The following CUBN variants were observed in gnomAD, a reference collection of about 807,000 sequenced individuals.
The protein encoded by CUBN is cubilin.
A neutral mutation model predicts 405.3 loss-of-function variants in CUBN; 282 were observed. That is an observed-to-expected ratio of 0.70 (90% confidence interval 0.63 to 0.77). The LOEUF is 0.77. CUBN is among the 30% of genes least tolerant of loss of function. The pLI, the probability that CUBN is intolerant of heterozygous loss-of-function variation, is 0.00. For missense variants in CUBN, 4,514 were observed against 4,475.2 expected, an observed-to-expected ratio of 1.01 and a Z score of -0.25; for synonymous variants, 1,684 against 1,617.0, an observed-to-expected ratio of 1.04 and a Z score of -0.99.
At chr10:16,867,231 TC>T (rs1375917122) in intron 59 of CUBN, among the ~76,000 whole-genome samples, 1 of 152,174 alleles carries the variant, frequency 6.6e-6, no homozygotes, top group Non-Finnish European at 1.5e-5. Context: ...AAAGTTGATT[TC>T]CCTCTCTTCA....
chr10:17,076,097 GA>G, intron 17 of CUBN, among the ~76,000 whole-genome samples: 1 of 151,662 alleles, frequency 6.6e-6, no homozygotes, highest in Non-Finnish European at 1.5e-5. Context: ...TGACAAGAAG[GA>G]AAAAAAACAG....
rs1047070080 is a variant in CUBN, at chr10:16,891,917, C to A, written c.8599-1390G>T. On this transcript the variant is annotated intron_variant, in intron 54 of 66. Transcript: ENST00000377833. Reference sequence around the variant, plus strand: ...GCAATACCCAATATGCCCTTTCTATCAACAGACAACTATCTCAAACAAGGA... The same window carrying A: ...GCAATACCCAATATGCCCTTTCTATAAACAGACAACTATCTCAAACAAGGA... 5.9e-5 allele frequency among the ~76,000 whole-genome samples: 9 copies of A among 152,226 alleles called. No homozygotes were observed. The East Asian group carries it at 1.7e-3, about 29-fold the overall frequency.
At position 17,068,599 on chromosome 10, in the gene CUBN, T is replaced by G. The variant is rs78549445; in HGVS notation, c.2791+6A>C. ...GGAGGAAAAAAAAAAGGGAACAGTC[T>G]CTTACCCAAATCCTCAGCACTGAAC... On this transcript the variant is annotated splice_donor_region_variant and intron_variant, in intron 20 of 66. Transcript: ENST00000377833. 0.024 allele frequency: 38,202 copies of G among 1,607,084 alleles called. 538 individuals carry two copies. The highest frequency in any genetic ancestry group is 0.053 in the East Asian group (2,350 of 44,732).
At chr10:16,916,090 C>T in intron 45 of CUBN, 60 bp from the exon 46 acceptor site, 1 of 1,545,526 alleles carries the variant, frequency 6.5e-7, no homozygotes, top group Non-Finnish European at 8.9e-7. Context: ...AAGATTGATT[C>T]TATTACAAAT....
intron 51 of CUBN, among the ~76,000 whole-genome samples, chr10:16,903,705 A>T (rs1841470519): frequency 6.8e-6 from 1 of 148,084 alleles, no homozygotes; most frequent in African/African-American, 2.4e-5. Flanking sequence ...TAATTTTAAA[A>T]TTTAATAATT....
intron 40 of CUBN, among the ~76,000 whole-genome samples, chr10:16,932,476 T>C (rs1414797792): frequency 6.6e-6 from 1 of 150,798 alleles, no homozygotes; most frequent in Non-Finnish European, 1.5e-5. Flanking sequence ...TTATGTCACA[T>C]AGCAACACCA....
intron 59 of CUBN, among the ~76,000 whole-genome samples, chr10:16,860,209 A>C (rs1465198093): frequency 3.3e-5 from 5 of 152,194 alleles, no homozygotes; most frequent in African/African-American, 1.2e-4. Context: ...ATTTTATCAG[A>C]TATAAACACA....
intron 14 of CUBN, among the ~76,000 whole-genome samples, chr10:17,091,079 A>T (rs1285316957): frequency 6.6e-6 from 1 of 152,158 alleles, no homozygotes; most frequent in African/African-American, 2.4e-5. Flanking sequence ...TTCAGTCCTG[A>T]GGTAAATAAT....
At chr10:16,951,413 A>G (rs1274506260) in intron 33 of CUBN, among the ~76,000 whole-genome samples, 1 of 152,240 alleles carries the variant, frequency 6.6e-6, no homozygotes, top group Non-Finnish European at 1.5e-5. Context: ...TGATTAGCTT[A>G]AGTGACTTCC....
chr10:16,856,943 A>G (rs1421698315), intron 59 of CUBN, among the ~76,000 whole-genome samples: 9 of 151,904 alleles, frequency 5.9e-5, no homozygotes, highest in Non-Finnish European at 1.3e-4. Context: ...CCAGGGATGC[A>G]GGGCTAGAAA....
At chr10:16,957,103 C>A (rs1014461617) in intron 31 of CUBN, among the ~76,000 whole-genome samples, 2 of 152,112 alleles carry the variant, frequency 1.3e-5, no homozygotes, top group African/African-American at 4.8e-5. Flanking sequence ...ACTGTGGGTG[C>A]CCTACTGTGT....
At chr10:16,906,686 A>T (rs1410147410) in intron 49 of CUBN, among the ~76,000 whole-genome samples, 1 of 152,234 alleles carries the variant, frequency 6.6e-6, no homozygotes, top group Non-Finnish European at 1.5e-5. Context: ...CCAAATATTG[A>T]GGCCTACTGT....
chr10:17,104,995 T>C (rs1836590411), intron 11 of CUBN, among the ~76,000 whole-genome samples: 2 of 151,304 alleles, frequency 1.3e-5, no homozygotes, highest in African/African-American at 4.9e-5. Flanking sequence ...GTAGAGACAG[T>C]GTTTCACCAT....
chr10:17,001,367 G>A (rs140597930), intron 28 of CUBN, among the ~76,000 whole-genome samples: 37 of 152,332 alleles, frequency 2.4e-4, no homozygotes, highest in African/African-American at 8.2e-4. Context: ...CTGCTGATTG[G>A]TCCATTTTAC....
intron 59 of CUBN, among the ~76,000 whole-genome samples, chr10:16,851,970 C>A (rs1839711322): frequency 2.7e-5 from 3 of 109,528 alleles, no homozygotes; most frequent in Admixed American, 9.6e-5. Flanking sequence ...CAATCTTTCC[C>A]TCCCTCCCTC....
chr10:16,907,385 T>A (rs1310541984), intron 49 of CUBN, 123 bp downstream of exon 49: 2 of 1,011,346 alleles, frequency 2.0e-6, no homozygotes, highest in Admixed American at 3.9e-5. Context: ...GTGTTTGTCT[T>A]ATGTCAAAGA....
chr10:16,886,058 C>T (rs907177950), intron 56 of CUBN, among the ~76,000 whole-genome samples: 1 of 152,174 alleles, frequency 6.6e-6, no homozygotes, highest in African/African-American at 2.4e-5. Flanking sequence ...CTCAAGCCTT[C>T]ATATATCATG....
intron 27 of CUBN, among the ~76,000 whole-genome samples, chr10:17,034,787 G>A (rs921331402): frequency 3.3e-5 from 5 of 152,176 alleles, no homozygotes; most frequent in African/African-American, 1.2e-4. Flanking sequence ...CAGGAGTGGC[G>A]ACGGGGAGAC....
At chr10:16,845,363 T>TA (rs1839481167) in intron 60 of CUBN, among the ~76,000 whole-genome samples, 1 of 152,220 alleles carries the variant, frequency 6.6e-6, no homozygotes, top group Non-Finnish European at 1.5e-5. Flanking sequence ...AGCAGAATCT[T>TA]AGAGTATCTT....
Sources: allele counts gnomAD v4.1 joint callset (sites outside exome capture counted in the v4.1 genomes callset), GRCh38; gene constraint gnomAD v4.1.1; transcripts MANE v1.5; gene names NCBI Gene and HGNC (gene_info 2026-07-23, HGNC 2026-07-21).